The following ZNF148 variants were observed in gnomAD, a reference collection of about 807,000 sequenced individuals.
The protein encoded by ZNF148 is zinc finger protein 148, also known as Beta-Enolase Repressor Factor-1.
A neutral mutation model predicts 67.7 loss-of-function variants in ZNF148; 7 were observed. The ratio of observed to expected loss-of-function variants is 0.10; its 90% CI spans 0.06 to 0.19. The LOEUF (loss-of-function observed/expected upper bound fraction) is 0.19, where lower values mean the gene tolerates loss of function less well. Ranked by LOEUF, ZNF148 falls within the 10% of genes least tolerant of loss-of-function variation. The pLI is 1.00. For synonymous variants in ZNF148, 333 were observed against 330.7 expected (o/e 1.01, Z -0.08); for missense variants, 583 against 947.1 (o/e 0.62, Z 5.05).
intron 4 of ZNF148, among the ~76,000 whole-genome samples, chr3:125,306,662 T>C (rs1425845322): frequency 6.6e-6 from 1 of 151,866 alleles, no homozygotes; most frequent in African/African-American, 2.4e-5. Flanking sequence ...TCAAGACAAG[T>C]CTGGACAACA....
intron 7 of ZNF148, among the ~76,000 whole-genome samples, chr3:125,250,367 T>C (rs1936785572): frequency 6.6e-6 from 1 of 152,206 alleles, no homozygotes; most frequent in Non-Finnish European, 1.5e-5. Flanking sequence ...ATGATGCTAA[T>C]AAACCAAGCC....
At chr3:125,370,138 T>C (rs1357625321) in intron 1 of ZNF148, among the ~76,000 whole-genome samples, 1 of 152,182 alleles carries the variant, frequency 6.6e-6, no homozygotes, top group Non-Finnish European at 1.5e-5. Flanking sequence ...AGCACCCTGC[T>C]ACAGACCAGA....
At chr3:125,299,161 A>G (rs1434369498) in intron 4 of ZNF148, among the ~76,000 whole-genome samples, 1 of 152,216 alleles carries the variant, frequency 6.6e-6, no homozygotes, top group Admixed American at 6.5e-5. Context: ...AAATGCAAAT[A>G]TAAAAACACC....
chr3:125,317,656 T>TAGAGAGAGAGAGAGAGAGAGAG (rs1332514441), intron 3 of ZNF148, among the ~76,000 whole-genome samples: 2 of 7,262 alleles, frequency 2.8e-4, no homozygotes, highest in Admixed American at 2.3e-3. Flanking sequence ...TATATATATA[T>TAGAGAGAGAGAGAGAGAGAGAG]ATATATAGAG....
At chr3:125,242,975 C>CT (rs1392612385) in intron 7 of ZNF148, among the ~76,000 whole-genome samples, 1 of 152,180 alleles carries the variant, frequency 6.6e-6, no homozygotes, top group African/African-American at 2.4e-5. Flanking sequence ...TTTCTGCATT[C>CT]TTCTCGTTTG....
chr3:125,372,980 A>C (rs1467764884), intron 1 of ZNF148, among the ~76,000 whole-genome samples: 1 of 152,106 alleles, frequency 6.6e-6, no homozygotes, highest in Non-Finnish European at 1.5e-5. Context: ...AAAATAAATA[A>C]ATAAAAATTT....
chr3:125,352,892 T>A (rs570076516), intron 1 of ZNF148, among the ~76,000 whole-genome samples: 2 of 152,148 alleles, frequency 1.3e-5, no homozygotes, highest in Non-Finnish European at 2.9e-5. Flanking sequence ...CAAGACAGCG[T>A]GGTACTGGAG....
intron 4 of ZNF148, among the ~76,000 whole-genome samples, chr3:125,296,100 A>T (rs1939269043): frequency 1.3e-5 from 2 of 150,694 alleles, no homozygotes; most frequent in Non-Finnish European, 1.5e-5. Flanking sequence ...TCAATATATC[A>T]TCCCAGTATC....
At chr3:125,341,825 T>C (rs1941734855) in intron 1 of ZNF148, among the ~76,000 whole-genome samples, 1 of 151,616 alleles carries the variant, frequency 6.6e-6, no homozygotes, top group Admixed American at 6.6e-5. Context: ...CGAAACACCA[T>C]CTCTACAAAA....
chr3:125,241,093 T>G (rs1188368656), intron 7 of ZNF148, among the ~76,000 whole-genome samples: 1 of 152,106 alleles, frequency 6.6e-6, no homozygotes, highest in East Asian at 1.9e-4. Context: ...ATTCCTTTCT[T>G]TTAAAACTAG....
chr3:125,356,889 G>A (rs1232160211), intron 1 of ZNF148: 1 of 152,302 alleles, frequency 6.6e-6, no homozygotes, highest in African/African-American at 2.4e-5. Context: ...TAGACAAGCA[G>A]GGTTTTTTAA....
chr3:125,297,850 A>T (rs1939365041), intron 4 of ZNF148, among the ~76,000 whole-genome samples: 1 of 152,192 alleles, frequency 6.6e-6, no homozygotes, highest in African/African-American at 2.4e-5. Flanking sequence ...ATATCCAGTA[A>T]ATTCAATTCT....
intron 7 of ZNF148, among the ~76,000 whole-genome samples, chr3:125,265,625 C>T (rs1378206914): frequency 6.6e-6 from 1 of 152,144 alleles, no homozygotes; most frequent in Non-Finnish European, 1.5e-5. Context: ...CACGTCCTCC[C>T]CCTCTATCCA....
intron 2 of ZNF148, among the ~76,000 whole-genome samples, chr3:125,329,025 A>AC (rs1941153338): frequency 6.6e-6 from 1 of 150,594 alleles, no homozygotes; most frequent in African/African-American, 2.4e-5. Context: ...ATATATCTGT[A>AC]CATGTATAGA....
intron 7 of ZNF148, among the ~76,000 whole-genome samples, chr3:125,255,275 C>T (rs1176041618): frequency 1.9e-5 from 2 of 105,660 alleles, no homozygotes; most frequent in Non-Finnish European, 3.4e-5. Flanking sequence ...GAGACGGTGT[C>T]TGGCTCTGTT....
chr3:125,304,089 T>A (rs1939743222), intron 4 of ZNF148, among the ~76,000 whole-genome samples: 1 of 152,118 alleles, frequency 6.6e-6, no homozygotes. Context: ...CTCTTGCCTA[T>A]CCTCTTATCC....
intron 7 of ZNF148, among the ~76,000 whole-genome samples, chr3:125,267,742 G>A (rs6438892): frequency 0.77 from 117,270 of 152,056 alleles, 45,762 homozygotes; most frequent in African/African-American, 0.85. Context: ...ATCAGGCAAG[G>A]GAAAGAAATA....
chr3:125,317,828 A>G (rs1020247431), intron 3 of ZNF148, among the ~76,000 whole-genome samples: 2 of 151,434 alleles, frequency 1.3e-5, no homozygotes, highest in African/African-American at 4.8e-5. Flanking sequence ...ATGTACCAAC[A>G]TCTTTTCTTT....
At chr3:125,250,593 A>T (rs1244440846) in intron 7 of ZNF148, among the ~76,000 whole-genome samples, 1 of 152,178 alleles carries the variant, frequency 6.6e-6, no homozygotes, top group Non-Finnish European at 1.5e-5. Context: ...GCCAAATGGC[A>T]CCCCAGTCAT....
Sources: allele counts gnomAD v4.1 joint callset (sites outside exome capture counted in the v4.1 genomes callset), GRCh38; gene constraint gnomAD v4.1.1; transcripts MANE v1.5; gene names NCBI Gene and HGNC (gene_info 2026-07-23, HGNC 2026-07-21).